Variants in ASIC2 observed in about 807,000 individuals in gnomAD.
ASIC2 encodes acid sensing ion channel subunit 2.
A neutral mutation model predicts 57.3 loss-of-function variants in ASIC2; 25 were observed. The ratio of observed to expected loss-of-function variants is 0.44; its 90% CI spans 0.32 to 0.61. ASIC2 has a LOEUF of 0.61. Ranked by LOEUF, ASIC2 falls within the 20% of genes least tolerant of loss-of-function variation. The probability of loss-of-function intolerance (pLI) is 0.06; values close to 1 mark genes in which losing one functional copy is unlikely to be tolerated. For synonymous variants in ASIC2, 319 were observed against 307.5 expected (o/e 1.04, Z -0.39); for missense variants, 641 against 738.1 (o/e 0.87, Z 1.52).
chr17:33,256,075 A>G (rs1222624140), intron 1 of ASIC2, among the ~76,000 whole-genome samples: 12 of 152,214 alleles, frequency 7.9e-5, no homozygotes, highest in Non-Finnish European at 1.5e-5. Flanking sequence ...CATGGATTTG[A>G]GTGGTCACTT....
At chr17:34,025,988 C>T (rs1192634581) in intron 1 of ASIC2, among the ~76,000 whole-genome samples, 1 of 152,194 alleles carries the variant, frequency 6.6e-6, no homozygotes, top group Non-Finnish European at 1.5e-5. Flanking sequence ...TTTTTCTCAT[C>T]TGTGAAATGG....
intron 1 of ASIC2, among the ~76,000 whole-genome samples, chr17:33,670,148 C>T (rs537967293): frequency 4.6e-5 from 7 of 152,208 alleles, no homozygotes; most frequent in African/African-American, 1.7e-4. Context: ...CAGCCTTGGG[C>T]AGTGGTCATA....
intron 1 of ASIC2, among the ~76,000 whole-genome samples, chr17:33,942,509 C>G (rs1278525392): frequency 6.6e-6 from 1 of 152,156 alleles, no homozygotes; most frequent in Non-Finnish European, 1.5e-5. Flanking sequence ...ACCTCCTTTT[C>G]TCCTTTACAG....
intron 1 of ASIC2, among the ~76,000 whole-genome samples, chr17:33,554,958 T>C (rs1266976555): frequency 1.3e-5 from 2 of 152,230 alleles, no homozygotes; most frequent in Admixed American, 6.5e-5. Flanking sequence ...TTTAAATAAA[T>C]TTTTATCCCA....
chr17:33,960,990 T>C (rs915476), intron 1 of ASIC2, among the ~76,000 whole-genome samples: 17,178 of 152,158 alleles, frequency 0.11, 1,100 homozygotes, highest in Middle Eastern at 0.17. Context: ...CAGGCAACCC[T>C]AAGTACGTGG....
chr17:33,410,951 A>G (rs1910637954), intron 1 of ASIC2, among the ~76,000 whole-genome samples: 1 of 152,226 alleles, frequency 6.6e-6, no homozygotes, highest in Non-Finnish European at 1.5e-5. Flanking sequence ...ACAGCATAAC[A>G]TATTTGTCAG....
intron 1 of ASIC2, among the ~76,000 whole-genome samples, chr17:33,761,920 C>T (rs867263653): frequency 1.6e-4 from 24 of 151,694 alleles, no homozygotes; most frequent in South Asian, 6.2e-4. Flanking sequence ...CACTACTTGA[C>T]CTTCCTAGGA....
At chr17:33,110,337 C>G (rs1247955971) in intron 2 of ASIC2, among the ~76,000 whole-genome samples, 1 of 152,086 alleles carries the variant, frequency 6.6e-6, no homozygotes, top group Non-Finnish European at 1.5e-5. Context: ...CCTGGTTGGC[C>G]TCAGGATGCC....
At position 33,940,682 on chromosome 17, in the gene ASIC2, A is replaced by G. The variant is rs150277464; in HGVS notation, c.555+215296T>C. Among the ~76,000 whole-genome samples the G allele has an allele frequency of 5.4e-3, 824 of 152,350 alleles. 17 individuals carry two copies. The highest frequency in any genetic ancestry group is 0.017 in the African/African-American group (687 of 41,574). On this transcript the variant is annotated intron_variant, in intron 1 of 9. Coordinates refer to the ASIC2 transcript ENST00000359872. Reference sequence around the variant, plus strand: ...CAGAGCTTGGATCCTAGCAGGGGACATAGTTATCTCTCACATAATCACAAT... The same window carrying G: ...CAGAGCTTGGATCCTAGCAGGGGACGTAGTTATCTCTCACATAATCACAAT...
intron 1 of ASIC2, among the ~76,000 whole-genome samples, chr17:33,847,427 C>T (rs1302800288): frequency 2.0e-5 from 3 of 152,038 alleles, no homozygotes; most frequent in Non-Finnish European, 4.4e-5. Context: ...CCTTATATGA[C>T]CTGACACTCT....
intron 1 of ASIC2, among the ~76,000 whole-genome samples, chr17:33,456,604 T>C (rs962022133): frequency 1.4e-4 from 21 of 152,224 alleles, no homozygotes; most frequent in Non-Finnish European, 2.8e-4. Flanking sequence ...ATTCCTTCTC[T>C]TTTAACTATG....
chr17:33,251,196 A>G (rs1908869060), intron 1 of ASIC2, among the ~76,000 whole-genome samples: 1 of 152,238 alleles, frequency 6.6e-6, no homozygotes. Flanking sequence ...TTTTTCTTGC[A>G]GTTGATCTCT....
At chr17:33,032,456 T>G (rs1021254855) in intron 3 of ASIC2, among the ~76,000 whole-genome samples, 2 of 143,466 alleles carry the variant, frequency 1.4e-5, no homozygotes, top group African/African-American at 5.3e-5. Flanking sequence ...TTTTTTTTTT[T>G]TTTTTTTTTT....
chr17:33,977,284 A>G (rs1038510881), intron 1 of ASIC2, among the ~76,000 whole-genome samples: 4 of 152,188 alleles, frequency 2.6e-5, no homozygotes, highest in African/African-American at 9.7e-5. Context: ...CCACAGGGGT[A>G]GTTGGAGGGA....
chr17:33,863,210 C>T (rs533183146), intron 1 of ASIC2, among the ~76,000 whole-genome samples: 4 of 152,352 alleles, frequency 2.6e-5, no homozygotes, highest in Non-Finnish European at 5.9e-5. Context: ...AGTAGCCTGG[C>T]CATTCTGGGC....
chr17:33,733,182 G>T (rs1909800927), intron 1 of ASIC2, among the ~76,000 whole-genome samples: 1 of 152,152 alleles, frequency 6.6e-6, no homozygotes, highest in South Asian at 2.1e-4. Context: ...TCCAACCTCT[G>T]CAGGAAAGAA....
chr17:33,422,338 C>T (rs771634779), intron 1 of ASIC2, among the ~76,000 whole-genome samples: 5 of 152,202 alleles, frequency 3.3e-5, no homozygotes, highest in Admixed American at 6.5e-5. Context: ...CCTGTAGCAA[C>T]CCCCGTCCCC....
chr17:33,697,162 C>A (rs959369412), intron 1 of ASIC2, among the ~76,000 whole-genome samples: 2 of 152,164 alleles, frequency 1.3e-5, no homozygotes, highest in Non-Finnish European at 2.9e-5. Context: ...CTGAGGCCTC[C>A]CCAGATGCTG....
chr17:33,712,755 C>G (rs1909088305), intron 1 of ASIC2, among the ~76,000 whole-genome samples: 1 of 148,048 alleles, frequency 6.8e-6, no homozygotes, highest in Admixed American at 6.8e-5. Flanking sequence ...ACGCCATTCT[C>G]CTGCCTCAGC....
Sources: allele counts gnomAD v4.1 joint callset (sites outside exome capture counted in the v4.1 genomes callset), GRCh38; gene constraint gnomAD v4.1.1; transcripts MANE v1.5; gene names NCBI Gene and HGNC (gene_info 2026-07-23, HGNC 2026-07-21).